The following RBPJ variants were observed in gnomAD, a reference collection of about 807,000 sequenced individuals.
RBPJ encodes recombining binding protein suppressor of hairless.
Under a neutral mutation model 67.8 loss-of-function variants are expected in RBPJ, and 9 were observed. The observed-to-expected ratio is 0.13, with a 90% confidence interval of 0.08 to 0.23. RBPJ has a LOEUF of 0.23. Ranked by LOEUF, RBPJ falls within the 10% of genes least tolerant of loss-of-function variation. RBPJ has a pLI of 1.00. For missense variants in RBPJ, 305 were observed against 595.6 expected, an observed-to-expected ratio of 0.51 and a Z score of 5.08; for synonymous variants, 198 against 203.3, an observed-to-expected ratio of 0.97 and a Z score of 0.22.
intron 1 of RBPJ, among the ~76,000 whole-genome samples, chr4:26,254,995 C>A (rs1720250728): frequency 7.0e-6 from 1 of 142,174 alleles, no homozygotes; most frequent in African/African-American, 2.8e-5. Flanking sequence ...AACCACCGCA[C>A]CTGGCCAACA....
chr4:26,427,816 A>T lies in RBPJ; in HGVS notation c.748-904A>T, dbSNP rs61550854. Among the ~76,000 whole-genome samples, 760 of 152,256 alleles carry T rather than the reference A, an allele frequency of 5.0e-3. 10 individuals carry two copies. The highest frequency in any genetic ancestry group is 0.018 in the African/African-American group (738 of 41,532). ...TTTACTTTTGATTTTGAGATGAGAG[A>T]TAGTTATGTTTGTATGTTGTTGGAA... is the stretch of plus-strand genomic sequence containing the variant. On this transcript the variant is annotated intron_variant, in intron 7 of 10. Transcript: ENST00000355476.
chr4:26,174,833 A>G lies in RBPJ; in HGVS notation c.-167+11219A>G, dbSNP rs182670730. On this transcript the variant is annotated intron_variant, in intron 1 of 4. Coordinates refer to the RBPJ transcript ENST00000512351. ...TTCATATATTGAGGGAGAAATGTAT[A>G]TATATACACACATATATGTACACAT... Among the ~76,000 whole-genome samples, 6 of 152,324 alleles carry G rather than the reference A, an allele frequency of 3.9e-5. No homozygotes were observed. The East Asian group carries it at 7.7e-4, about 20-fold the overall frequency.
At chr4:26,299,427 G>T (rs935108758) in intron 1 of RBPJ, among the ~76,000 whole-genome samples, 1 of 152,032 alleles carries the variant, frequency 6.6e-6, no homozygotes, top group African/African-American at 2.4e-5. Flanking sequence ...AGTATAAGTA[G>T]ATTTCACCAC....
rs556763078 is a variant in RBPJ, at chr4:26,393,553, T to C, written c.59+7162T>C. Among the ~76,000 whole-genome samples, 101 of 152,208 alleles carry C rather than the reference T, an allele frequency of 6.6e-4. 1 individual carries two copies. The Middle Eastern group carries it at 0.024, about 36-fold the overall frequency. On this transcript the variant is annotated intron_variant, in intron 2 of 10. Transcript: ENST00000355476. Reference sequence around the variant, plus strand: ...CCATGCCTGGCTAATTTTTATATTTTTTGTAGAGACAGGATTTCCCCATAT... The same window carrying C: ...CCATGCCTGGCTAATTTTTATATTTCTTGTAGAGACAGGATTTCCCCATAT...
chr4:26,342,863 A>G (rs1725690275), intron 1 of RBPJ, among the ~76,000 whole-genome samples: 2 of 152,240 alleles, frequency 1.3e-5, no homozygotes. Context: ...CTAGCATTAT[A>G]TAAATGACAG....
the RBPJ span, among the ~76,000 whole-genome samples, chr4:26,153,417 C>T: frequency 7.9e-5 from 12 of 152,296 alleles, no homozygotes; most frequent in South Asian, 2.3e-3. Flanking sequence ...TAACAGCAGG[C>T]GTTCAGTCTC....
the RBPJ span, among the ~76,000 whole-genome samples, chr4:26,118,166 G>T: frequency 3.3e-5 from 5 of 152,096 alleles, no homozygotes; most frequent in South Asian, 4.1e-4. Context: ...TGCCCACAAG[G>T]TTTCAGATAC....
At chr4:26,170,127 T>C (rs965282554) in intron 1 of RBPJ, among the ~76,000 whole-genome samples, 1 of 152,040 alleles carries the variant, frequency 6.6e-6, no homozygotes, top group Non-Finnish European at 1.5e-5. Flanking sequence ...ATGAACCCGG[T>C]ACCTCAGATG....
At chr4:26,309,341 T>G (rs1722350623) in intron 1 of RBPJ, among the ~76,000 whole-genome samples, 1 of 152,192 alleles carries the variant, frequency 6.6e-6, no homozygotes, top group African/African-American at 2.4e-5. Context: ...GATTATCTAA[T>G]TTGATTCATG....
chr4:26,276,525 T>G (rs1721093083), intron 1 of RBPJ, among the ~76,000 whole-genome samples: 1 of 152,192 alleles, frequency 6.6e-6, no homozygotes, highest in Non-Finnish European at 1.5e-5. Context: ...AGAAATCTAT[T>G]GAAATGCAAT....
At chr4:26,428,953 T>C in intron 8 of RBPJ, 93 bp downstream of exon 8, 1 of 927,842 alleles carries the variant, frequency 1.1e-6, no homozygotes, top group Non-Finnish European at 1.7e-6. Flanking sequence ...CTGTTAATTA[T>C]ATACAAATAC....
the RBPJ span, among the ~76,000 whole-genome samples, chr4:26,144,714 C>A: frequency 6.6e-6 from 1 of 152,186 alleles, no homozygotes; most frequent in African/African-American, 2.4e-5. Context: ...GAAATTTGGA[C>A]CTCAAGATTT....
At chr4:26,141,334 G>A in the RBPJ span, among the ~76,000 whole-genome samples, 1 of 152,184 alleles carries the variant, frequency 6.6e-6, no homozygotes, top group Admixed American at 6.5e-5. Flanking sequence ...GGCAGGCCAG[G>A]GACGAGCCCA....
intron 3 of RBPJ, among the ~76,000 whole-genome samples, chr4:26,414,694 T>C (rs1734387067): frequency 6.6e-6 from 1 of 152,216 alleles, no homozygotes; most frequent in Non-Finnish European, 1.5e-5. Context: ...GGCTTTGCAA[T>C]AGATAATATT....
At chr4:26,169,770 G>A (rs1716492331) in intron 1 of RBPJ, among the ~76,000 whole-genome samples, 1 of 152,186 alleles carries the variant, frequency 6.6e-6, no homozygotes, top group Non-Finnish European at 1.5e-5. Flanking sequence ...AAGCGAGCCT[G>A]GGCAATGGTG....
intron 1 of RBPJ, among the ~76,000 whole-genome samples, chr4:26,275,936 T>A (rs1356555177): frequency 6.6e-6 from 1 of 150,472 alleles, no homozygotes; most frequent in African/African-American, 2.4e-5. Context: ...CAAATCATAG[T>A]TTTTATGGCT....
At chr4:26,420,523 CTGT>C in intron 4 of RBPJ, 25 bp from the exon 5 acceptor site, 1 of 1,529,480 alleles carries the variant, frequency 6.5e-7, no homozygotes, top group East Asian at 2.4e-5. Context: ...GGTTTTGCTG[CTGT>C]TAAAACTTTA....
chr4:26,139,295 G>A, the RBPJ span, among the ~76,000 whole-genome samples: 1 of 152,206 alleles, frequency 6.6e-6, no homozygotes, highest in East Asian at 1.9e-4. Flanking sequence ...GCTTAGTGTA[G>A]TGCCCAGCCC....
At chr4:26,342,815 G>A (rs577044391) in intron 1 of RBPJ, among the ~76,000 whole-genome samples, 4 of 152,108 alleles carry the variant, frequency 2.6e-5, no homozygotes, top group African/African-American at 4.8e-5. Context: ...TCAGTGTAAT[G>A]GTATCTCTGA....
Sources: allele counts gnomAD v4.1 joint callset (sites outside exome capture counted in the v4.1 genomes callset), GRCh38; gene constraint gnomAD v4.1.1; transcripts MANE v1.5; gene names NCBI Gene and HGNC (gene_info 2026-07-23, HGNC 2026-07-21).